The following FST variants were observed in gnomAD, a reference collection of about 807,000 sequenced individuals.
FST encodes the protein follistatin, also known as activin-binding protein.
Under a neutral mutation model 38.4 loss-of-function variants are expected in FST, and 6 were observed. The observed-to-expected ratio is 0.16, with a 90% CI of 0.09 to 0.31. The LOEUF is 0.31. Among genes scored for constraint, FST ranks in the 10% least tolerant of loss-of-function variants. The probability of loss-of-function intolerance (pLI) is 1.00; values close to 1 mark genes in which losing one functional copy is unlikely to be tolerated. For missense variants in FST, 301 were observed against 432.3 expected, an observed-to-expected ratio of 0.70 and a Z score of 2.69; for synonymous variants, 157 against 169.8, an observed-to-expected ratio of 0.92 and a Z score of 0.59.
chr5:53,485,284 G>A (rs902849351), intron 5 of FST, 57 bp downstream of exon 5: 16 of 909,998 alleles, frequency 1.8e-5, no homozygotes, highest in Non-Finnish European at 2.4e-5. Context: ...AATCCCTAGG[G>A]AATGGACACT....
In FST at chr5:53,483,687, C is replaced by G. The variant is rs1219806325; in HGVS notation, c.461C>G (p.Pro154Arg). The change falls in exon 3 of 6, where the codon CCA becomes CGA. Residue 154 changes from proline to arginine, a missense_variant. Pro to Arg is a moderately radical substitution (Grantham distance 103). Coordinates refer to ENST00000256759, the MANE Select transcript of FST (RefSeq NM_013409.3). This position sits in a 1 kb window ranked among gnomAD's most constrained non-coding sequence, Gnocchi z 4.1. ...CTAAAGGCAAGATGTAAAGAGCAGCCAGAACTGGAAGTCCAGTACCAAGGC... is the reference window on the plus strand; with the variant it reads ...CTAAAGGCAAGATGTAAAGAGCAGCGAGAACTGGAAGTCCAGTACCAAGGC... ...ALLKARCKEQPELEVQYQGRC... is the reference protein window; with the variant it reads ...ALLKARCKEQRELEVQYQGRC... The G allele has an allele frequency of 6.2e-7, 1 of 1,613,986 alleles. No homozygotes were observed. Among genetic ancestry groups the G allele is most frequent in the Non-Finnish European group, 8.5e-7 (1 of 1,179,986 alleles).
At chr5:53,482,827 C>A in intron 1 of FST, 53 bp from the exon 2 acceptor site, 1 of 1,178,606 alleles carries the variant, frequency 8.5e-7, no homozygotes, top group East Asian at 2.5e-5. Flanking sequence ...TCTCCCTGCC[C>A]TGCCACCGCT....
In FST at chr5:53,483,073, T is replaced by C. The variant is rs1360829725; in HGVS notation, c.277+2T>C. 1.9e-6 allele frequency: 3 copies of C among 1,604,950 alleles called. No homozygotes were observed. Among genetic ancestry groups the C allele is most frequent in the Admixed American group, 1.7e-5 (1 of 59,758 alleles). On this transcript the variant is annotated splice_donor_variant, in intron 2 of 5. Coordinates refer to ENST00000256759, the MANE Select transcript of FST (RefSeq NM_013409.3). LOFTEE classifies it high-confidence loss of function. This position sits in a 1 kb window ranked among gnomAD's most constrained non-coding sequence, Gnocchi z 4.1. ...CCCCCAACTGCATCCCCTGTAAAGG[T>C]AGGACTCCTTCTTCCCAACTTGCAG...
At position 53,486,025 on chromosome 5, in the gene FST, G is replaced by C. The variant is rs1357318875; in HGVS notation, c.1027G>C (p.Glu343Gln). The C allele has an allele frequency of 4.4e-6, 6 of 1,377,470 alleles. No individual in the cohort carries two copies. Among genetic ancestry groups the C allele is most frequent in the Non-Finnish European group, 9.9e-7 (1 of 1,005,714 alleles). 85.3% of individuals were successfully genotyped at this position (1,377,470 alleles called of 1,614,324 possible). ...DYSFPISSIL[E>Q]W ...CAGCTTTCCTATATCTTCTATTCTAGAGTGGTAAACTCTCTATAAGTGTTC... is the reference window on the plus strand; with the variant it reads ...CAGCTTTCCTATATCTTCTATTCTACAGTGGTAAACTCTCTATAAGTGTTC... The change falls in exon 6 of 6, where the codon GAG (glutamate) becomes CAG (glutamine). Residue 343 changes from glutamate to glutamine, a missense_variant. Coordinates refer to ENST00000256759, the MANE Select transcript of FST (RefSeq NM_013409.3).
At position 53,483,490 on chromosome 5, in the gene FST, T is replaced by C; in HGVS notation, c.278-14T>C. On this transcript the variant is annotated splice_polypyrimidine_tract_variant and intron_variant, in intron 2 of 5. Transcript: ENST00000256759. This position sits in a 1 kb window ranked among gnomAD's most constrained non-coding sequence, Gnocchi z 4.1. ...TGGCTCTGGTTTTAATCCATGCCTG[T>C]TTCTAACTCACAGAAACGTGTGAGA... The C allele has an allele frequency of 1.2e-6, 2 of 1,606,428 alleles. No individual in the cohort carries two copies. Among genetic ancestry groups the C allele is most frequent in the East Asian group, 2.2e-5 (1 of 44,848 alleles).
In FST at chr5:53,482,870, C is replaced by T; in HGVS notation, c.86-10C>T. The stretch of plus-strand genomic sequence containing the variant: ...CACTCACCCACCTCCCCACCCTTGT[C>T]TCTTCACAGCTGGGAACTGCTGGCT... On this transcript the variant is annotated splice_polypyrimidine_tract_variant and intron_variant, in intron 1 of 5. Transcript: ENST00000256759. 1.3e-6 allele frequency: 2 copies of T among 1,575,218 alleles called. No homozygotes were observed. Among genetic ancestry groups the T allele is most frequent in the Non-Finnish European group, 1.7e-6 (2 of 1,153,344 alleles).
Position 53,484,298 on chromosome 5 carries a change from G to A in FST, c.721+5G>A. ...CCTATGAGGGAAAGTGTATCAGTAG[G>A]TATTCTGGATTGAGGAAGGAAAAAG... On this transcript the variant is annotated splice_donor_5th_base_variant and intron_variant, in intron 4 of 5. Coordinates refer to ENST00000256759, the MANE Select transcript of FST (RefSeq NM_013409.3). 1 of 1,612,762 alleles carries A rather than the reference G, an allele frequency of 6.2e-7. No homozygotes were observed. The highest frequency in any genetic ancestry group is 1.7e-4 in the Middle Eastern group (1 of 6,060).
chr5:53,486,153 T>C lies in FST; in HGVS notation c.*120T>C, dbSNP rs1016045782. On this transcript the variant is annotated 3_prime_UTR_variant, in exon 6 of 6. Transcript: ENST00000256759. ...TGTAAATAAGTGTATGCTTATTTAT[T>C]TGGGGGGAAAACTATACATTAAAGG... 5.3e-6 allele frequency: 3 copies of C among 562,842 alleles called. No individual in the cohort carries two copies. The highest frequency in any genetic ancestry group is 3.0e-5 in the South Asian group (1 of 33,876). 34.9% of individuals were successfully genotyped at this position (562,842 alleles called of 1,614,324 possible).
In FST at chr5:53,482,898, G is replaced by A. The variant is rs762546189; in HGVS notation, c.104G>A (p.Arg35His). ...RSAQAGNCWL[R>H]QAKNGRCQVL... is the part of the protein sequence containing the mutation. ...TTCACAGCTGGGAACTGCTGGCTCC[G>A]TCAAGCGAAGAACGGCCGCTGCCAG... The change falls in exon 2 of 6, where the codon CGT becomes CAT. Residue 35 changes from arginine (R) to histidine (H), a missense_variant. By Grantham distance (29) the Arg-to-His change is conservative. Transcript: ENST00000256759. 1.2e-6 allele frequency: 2 copies of A among 1,608,342 alleles called. No individual in the cohort carries two copies. The highest frequency in any genetic ancestry group is 1.3e-5 in the African/African-American group (1 of 74,806).
chr5:53,480,935 T>C, intron 1 of FST, 59 bp downstream of exon 1: 1 of 888,512 alleles, frequency 1.1e-6, no homozygotes. Flanking sequence ...TCGACTTTTC[T>C]GTGGTCTCCA....
Position 53,483,559 on chromosome 5 carries a change from G to C in FST, c.333G>C (p.Lys111Asn), listed in dbSNP as rs765132849. 1.9e-6 allele frequency: 3 copies of C among 1,614,064 alleles called. No individual in the cohort carries two copies. The African/African-American group carries it at 4.0e-5, about 22-fold the overall frequency. Reference sequence around the variant, plus strand: ...GGAAAAAATGCCGAATGAACAAGAAGAACAAACCCCGCTGCGTCTGCGCCC... The same window carrying C: ...GGAAAAAATGCCGAATGAACAAGAACAACAAACCCCGCTGCGTCTGCGCCC... Reference protein sequence around the residue: ...GPGKKCRMNKKNKPRCVCAPD... With the variant: ...GPGKKCRMNKNNKPRCVCAPD... The change falls in exon 3 of 6, where the codon AAG (lysine) becomes AAC (asparagine). Residue 111 changes from lysine (K) to asparagine (N), a missense_variant. By Grantham distance (94) the Lys-to-Asn change is moderately conservative. Transcript: ENST00000256759. This position sits in a 1 kb window ranked among gnomAD's most constrained non-coding sequence, Gnocchi z 4.1.
intron 4 of FST, 46 bp from the exon 5 acceptor site, chr5:53,484,951 G>GA: frequency 1.1e-6 from 1 of 896,334 alleles, no homozygotes; most frequent in South Asian, 1.3e-5. Flanking sequence ...AGAAAAGGGG[G>GA]ATATGGGGAA....
chr5:53,484,776 AG>A (rs1486315955), intron 4 of FST, among the ~76,000 whole-genome samples: 3 of 152,196 alleles, frequency 2.0e-5, no homozygotes, highest in Non-Finnish European at 4.4e-5. Flanking sequence ...AAGAAACTGC[AG>A]GGGTTTTGTG....
Position 53,483,748 on chromosome 5 carries a change from C to T in FST, c.496+26C>T. On this transcript the variant is annotated intron_variant, in intron 3 of 5. Coordinates refer to ENST00000256759, the MANE Select transcript of FST (RefSeq NM_013409.3). The surrounding 1 kb of genome is among the most constrained non-coding windows in gnomAD (Gnocchi z 4.1). ...GTAGGTCCTACCCTGTTGAGCAAGA[C>T]TGGATCTGTCCCCTCCTCCAGCTTT... 6.5e-7 allele frequency: 1 copy of T among 1,531,064 alleles called. No individual in the cohort carries two copies. The highest frequency in any genetic ancestry group is 9.0e-7 in the Non-Finnish European group (1 of 1,105,558). 94.8% of individuals were successfully genotyped at this position (1,531,064 alleles called of 1,614,324 possible). A position where few individuals can be genotyped will look rare whatever the true frequency, so the allele number is the denominator to read the frequency against.
intron 1 of FST, 132 bp downstream of exon 1, chr5:53,481,008 T>C (rs1201649140): frequency 5.4e-6 from 2 of 369,236 alleles, no homozygotes; most frequent in Admixed American, 4.0e-5. Context: ...GACTCCGGGA[T>C]GGAGAGGAGT....
Position 53,480,872 on chromosome 5 carries a change from C to T in FST, c.81C>T (p.Ala27=). The T allele has an allele frequency of 6.6e-7, 1 of 1,520,410 alleles. No individual in the cohort carries two copies. Among genetic ancestry groups the T allele is most frequent in the South Asian group, 1.2e-5 (1 of 81,712 alleles). 94.2% of individuals were successfully genotyped at this position (1,520,410 alleles called of 1,614,324 possible). Residue 27 remains alanine (A), a synonymous_variant, in exon 1 of 6, where the codon GCC becomes GCT. Transcript: ENST00000256759. ...GCCAGTTCATGGAGGACCGCAGTGC[C>T]CAGGGTAAGCGAGTGGGGATGCGCT... ...LLCQFMEDRS[A]QAGNCWLRQA... is the part of the protein sequence containing the mutation.
At chr5:53,482,267 C>T (rs1747269703) in intron 1 of FST, among the ~76,000 whole-genome samples, 2 of 151,644 alleles carry the variant, frequency 1.3e-5, no homozygotes, top group African/African-American at 4.8e-5. Flanking sequence ...TTCTTTCTTC[C>T]TTTTTTTCTT....
intron 1 of FST, among the ~76,000 whole-genome samples, chr5:53,481,638 T>C (rs1430578835): frequency 6.6e-6 from 1 of 152,168 alleles, no homozygotes; most frequent in African/African-American, 2.4e-5. Flanking sequence ...TTTCTGAAGC[T>C]TGCCTTTTAA....
chr5:53,483,729 C>A lies in FST; in HGVS notation c.496+7C>A. The A allele has an allele frequency of 6.2e-7, 1 of 1,602,574 alleles. No homozygotes were observed. Among genetic ancestry groups the A allele is most frequent in the Non-Finnish European group, 8.5e-7 (1 of 1,169,592 alleles). On this transcript the variant is annotated splice_region_variant and intron_variant, in intron 3 of 5. Coordinates refer to ENST00000256759, the MANE Select transcript of FST (RefSeq NM_013409.3). The surrounding 1 kb of genome is among the most constrained non-coding windows in gnomAD (Gnocchi z 4.1). ...TACCAAGGCAGATGTAAAAGTAGGT[C>A]CTACCCTGTTGAGCAAGACTGGATC...
Sources: allele counts gnomAD v4.1 joint callset (sites outside exome capture counted in the v4.1 genomes callset), GRCh38; gene constraint gnomAD v4.1.1; non-coding constraint Gnocchi (gnomAD v3.1); transcripts MANE v1.5; gene names NCBI Gene and HGNC (gene_info 2026-07-23, HGNC 2026-07-21).